The following ERICH5 variants were observed in gnomAD, a reference collection of about 807,000 sequenced individuals.
ERICH5 encodes glutamate-rich protein 5.
In ERICH5, 24 loss-of-function variants were observed where a neutral mutation model predicts 28.0. The observed-to-expected ratio is 0.86, with a 90% CI of 0.62 to 1.21. The LOEUF (loss-of-function observed/expected upper bound fraction) is 1.21, where lower values mean the gene tolerates loss of function less well. Ranked by LOEUF, ERICH5 falls within the 50% of genes most tolerant of loss-of-function variation. The pLI, the probability that ERICH5 is intolerant of heterozygous loss-of-function variation, is 0.00. For missense variants in ERICH5, 421 were observed against 441.2 expected, an observed-to-expected ratio of 0.95 and a Z score of 0.41; for synonymous variants, 163 against 157.6, an observed-to-expected ratio of 1.03 and a Z score of -0.25.
chr8:98,077,100 TAAA>T (rs34156712), intron 1 of ERICH5, among the ~76,000 whole-genome samples: 1 of 146,726 alleles, frequency 6.8e-6, no homozygotes, highest in Non-Finnish European at 1.5e-5. Context: ...CTGTCTCTAT[TAAA>T]AAAAAAAAAG....
chr8:98,093,340 G>A lies in ERICH5; in HGVS notation c.*7G>A. ...CCTTTCAGCAGCCACATAGATAGAA[G>A]AGTGAACCGACACAGTGTGTTATCA... On this transcript the variant is annotated 3_prime_UTR_variant, in exon 3 of 3. Coordinates refer to ENST00000318528, the MANE Select transcript of ERICH5 (RefSeq NM_173549.3). 1 of 1,594,286 alleles carries A rather than the reference G, an allele frequency of 6.3e-7. No homozygotes were observed. The highest frequency in any genetic ancestry group is 8.6e-7 in the Non-Finnish European group (1 of 1,162,536).
At chr8:98,091,204 G>A (rs187806543) in intron 2 of ERICH5, among the ~76,000 whole-genome samples, 188 of 152,248 alleles carry the variant, frequency 1.2e-3, no homozygotes, top group African/African-American at 4.5e-3. Context: ...CCAAAGTGCC[G>A]GGATTACAGG....
chr8:98,089,778 A>C lies in ERICH5; in HGVS notation c.761A>C (p.Gln254Pro). Reference sequence around the variant, plus strand: ...CAGGCAACATTGGGAAAAGAGGAGCAGCCCCAGCTTCTAGAAAGAATTCCC... The same window carrying C: ...CAGGCAACATTGGGAAAAGAGGAGCCGCCCCAGCTTCTAGAAAGAATTCCC... ...QLQATLGKEE[Q>P]PQLLERIPKE... is the part of the protein sequence containing the mutation. The change falls in exon 2 of 3, where the codon CAG (glutamine) becomes CCG (proline). Residue 254 changes from glutamine to proline, a missense_variant. By Grantham distance (76) the Gln-to-Pro change is moderately conservative. Transcript: ENST00000318528. The C allele has an allele frequency of 6.2e-7, 1 of 1,614,088 alleles. No homozygotes were observed. Among genetic ancestry groups the C allele is most frequent in the Non-Finnish European group, 8.5e-7 (1 of 1,179,994 alleles).
Position 98,093,479 on chromosome 8 carries a change from A to C in ERICH5, c.*146A>C. 1 of 523,352 alleles carries C rather than the reference A, an allele frequency of 1.9e-6. No homozygotes were observed. The highest frequency in any genetic ancestry group is 3.4e-6 in the Non-Finnish European group (1 of 298,092). The allele number at this position is 523,352 out of a possible 1,614,324, so 32.4% of individuals were successfully genotyped here. On this transcript the variant is annotated 3_prime_UTR_variant, in exon 3 of 3. Coordinates refer to ENST00000318528, the MANE Select transcript of ERICH5 (RefSeq NM_173549.3). ...AGAGACTGTTGGAACCATGAGAAGG[A>C]TGTTTCTGTGTTCTTGATTATATTG... is the stretch of plus-strand genomic sequence containing the variant.
chr8:98,081,710 G>A (rs113299352), intron 1 of ERICH5, among the ~76,000 whole-genome samples: 9 of 152,240 alleles, frequency 5.9e-5, no homozygotes, highest in South Asian at 2.1e-4. Flanking sequence ...AGCAGATCAC[G>A]TGAGGTCGGG....
intron 1 of ERICH5, among the ~76,000 whole-genome samples, chr8:98,072,060 T>C (rs1262212938): frequency 6.6e-6 from 1 of 151,872 alleles, no homozygotes; most frequent in Non-Finnish European, 1.5e-5. Flanking sequence ...CCCCACATGG[T>C]TTTTAGCAGC....
At chr8:98,077,224 G>A (rs2447513) in intron 1 of ERICH5, among the ~76,000 whole-genome samples, 51,838 of 152,098 alleles carry the variant, frequency 0.34, 9,495 homozygotes, top group East Asian at 0.61. Context: ...CAGTGCCTCA[G>A]TGAATGTCAA....
intron 1 of ERICH5, among the ~76,000 whole-genome samples, chr8:98,073,167 G>A (rs1411854866): frequency 6.6e-6 from 1 of 151,880 alleles, no homozygotes; most frequent in Admixed American, 6.6e-5. Flanking sequence ...TATTAGTTGT[G>A]TGACTTTGAG....
Position 98,093,401 on chromosome 8 carries a change from A to G in ERICH5, c.*68A>G, listed in dbSNP as rs1431619538. 1 of 1,025,960 alleles carries G rather than the reference A, an allele frequency of 9.7e-7. No homozygotes were observed. Among genetic ancestry groups the G allele is most frequent in the Non-Finnish European group, 1.5e-6 (1 of 675,442 alleles). 63.6% of individuals were successfully genotyped at this position (1,025,960 alleles called of 1,614,324 possible). A position where few individuals can be genotyped will look rare whatever the true frequency, so the allele number is the denominator to read the frequency against. ...AAAAATGGTAGTGAAGCTTGTGGTT[A>G]TGTATCTTATCTTTCTACATTTACA... On this transcript the variant is annotated 3_prime_UTR_variant, in exon 3 of 3. Transcript: ENST00000318528.
chr8:98,075,057 TATTTTTCTC>T (rs1182974090), intron 1 of ERICH5, among the ~76,000 whole-genome samples: 7 of 152,106 alleles, frequency 4.6e-5, no homozygotes, highest in Admixed American at 3.3e-4. Context: ...ATTTGTCTGG[TATTTTTCTC>T]ATGATGACAC....
chr8:98,092,051 T>C lies in ERICH5; in HGVS notation c.1013-1170T>C, dbSNP rs374433109. Among the ~76,000 whole-genome samples, 155 of 64,136 alleles carry C rather than the reference T, an allele frequency of 2.4e-3. 1 individual carries two copies. In the Middle Eastern group the frequency reaches 0.024, roughly 10 times the overall value. The allele number at this position is 64,136 out of a possible 152,430, so 42.1% of individuals were successfully genotyped here. A position where few individuals can be genotyped will look rare whatever the true frequency, so the allele number is the denominator to read the frequency against. ...TCGAGACAAGATCTTCAAGCTGGAG[T>C]GCAGTGATGCAATCACAGCTCACTA... On this transcript the variant is annotated intron_variant, in intron 2 of 2. Coordinates refer to ENST00000318528, the MANE Select transcript of ERICH5 (RefSeq NM_173549.3).
At chr8:98,067,898 G>A (rs561515866) in intron 1 of ERICH5, among the ~76,000 whole-genome samples, 3 of 151,836 alleles carry the variant, frequency 2.0e-5, no homozygotes, top group East Asian at 1.9e-4. Context: ...GCCACCACGC[G>A]TGGCCTATAC....
In ERICH5 at chr8:98,091,183, G is replaced by A. The variant is rs1358761296; in HGVS notation, c.1012+1154G>A. Among the ~76,000 whole-genome samples, 9 of 152,226 alleles carry A rather than the reference G, an allele frequency of 5.9e-5. No individual in the cohort carries two copies. In the East Asian group the frequency reaches 1.5e-3, roughly 26 times the overall value. On this transcript the variant is annotated intron_variant, in intron 2 of 2. Coordinates refer to ENST00000318528, the MANE Select transcript of ERICH5 (RefSeq NM_173549.3). ...CAGCTCCTGACCTCATGATCCACCC[G>A]CCTCGGCCTCCCAAAGTGCCGGGAT...
At chr8:98,076,252 CTA>C (rs1259323575) in intron 1 of ERICH5, among the ~76,000 whole-genome samples, 1 of 151,970 alleles carries the variant, frequency 6.6e-6, no homozygotes, top group Non-Finnish European at 1.5e-5. Flanking sequence ...CGGGATTTCA[CTA>C]TGTTGGCCAG....
chr8:98,077,708 T>C (rs1261349213), intron 1 of ERICH5, among the ~76,000 whole-genome samples: 2 of 152,110 alleles, frequency 1.3e-5, no homozygotes, highest in African/African-American at 2.4e-5. Flanking sequence ...TTACTAATTA[T>C]GTTCTTGTTT....
chr8:98,070,660 C>CAAAAAAAAAA (rs769042472), intron 1 of ERICH5, among the ~76,000 whole-genome samples: 86 of 38,660 alleles, frequency 2.2e-3, no homozygotes, highest in East Asian at 4.2e-3. Context: ...AACTGCATCT[C>CAAAAAAAAAA]AAAAAAAAAA....
chr8:98,082,114 A>G (rs185233004), intron 1 of ERICH5, among the ~76,000 whole-genome samples: 3 of 152,240 alleles, frequency 2.0e-5, no homozygotes, highest in African/African-American at 7.2e-5. Context: ...CAATTAATCA[A>G]TATAAATTAC....
At chr8:98,092,828 T>G (rs1475689513) in intron 2 of ERICH5, among the ~76,000 whole-genome samples, 1 of 150,036 alleles carries the variant, frequency 6.7e-6, no homozygotes, top group Admixed American at 6.7e-5. Flanking sequence ...CAGACTGGAG[T>G]GCAGTGGCGT....
At position 98,089,585 on chromosome 8, in the gene ERICH5, A is replaced by G. The variant is rs150115838; in HGVS notation, c.568A>G (p.Thr190Ala). Reference sequence around the variant, plus strand: ...TGCTGCAGAGATGAAGCCTCTAGGAACAACTGAGAACGTTCTGACTCTGCA... The same window carrying G: ...TGCTGCAGAGATGAAGCCTCTAGGAGCAACTGAGAACGTTCTGACTCTGCA... ...QTAAEMKPLG[T>A]TENVLTLQIA... is the part of the protein sequence containing the mutation. The change falls in exon 2 of 3, where the codon ACA (threonine) becomes GCA (alanine). Residue 190 changes from threonine to alanine, a missense_variant. Transcript: ENST00000318528. 472 of 1,614,198 alleles carry G rather than the reference A, an allele frequency of 2.9e-4. 1 individual carries two copies. In the East Asian group the frequency reaches 0.01, roughly 35 times the overall value.
Sources: allele counts gnomAD v4.1 joint callset (sites outside exome capture counted in the v4.1 genomes callset), GRCh38; gene constraint gnomAD v4.1.1; transcripts MANE v1.5; gene names NCBI Gene and HGNC (gene_info 2026-07-23, HGNC 2026-07-21).